FHAD1: variants seen among roughly 807,000 people sequenced by gnomAD.
The protein encoded by FHAD1 is forkhead-associated domain-containing protein 1.
In FHAD1, 146 loss-of-function variants were observed where a neutral mutation model predicts 191.3. That is an observed-to-expected ratio of 0.76 (90% confidence interval 0.67 to 0.88). FHAD1 has a LOEUF of 0.88. Among genes scored for constraint, FHAD1 ranks in the 40% least tolerant of loss-of-function variants. FHAD1 has a pLI of 0.00. For missense variants in FHAD1, 1,635 were observed against 1,785.8 expected (o/e 0.92, Z 1.52); for synonymous variants, 616 against 672.3 (o/e 0.92, Z 1.29).
At position 15,397,378 on chromosome 1, in the gene FHAD1, A is replaced by C; in HGVS notation, c.4405A>C (p.Ser1469Arg). The change falls in exon 34 of 34, where the codon AGC becomes CGC. Residue 1469 changes from serine to arginine, a missense_variant. Ser to Arg is a moderately radical substitution (Grantham distance 110, BLOSUM62 -1). Transcript: ENST00000688493. ...RKETSSKSSQ[S>R]LLHSKPSGKY The stretch of plus-strand genomic sequence containing the variant: ...AGAGACCTCCAGCAAGTCCAGCCAG[A>C]GCCTTTTGCATTCTAAGCCCAGTGG... 1 of 1,545,232 alleles carries C rather than the reference A, an allele frequency of 6.5e-7. No homozygotes were observed. The highest frequency in any genetic ancestry group is 8.8e-7 in the Non-Finnish European group (1 of 1,142,610).
chr1:15,324,751 G>A (rs1490977649), intron 11 of FHAD1, 192 bp downstream of exon 11: 31 of 589,574 alleles, frequency 5.3e-5, no homozygotes, highest in Non-Finnish European at 8.2e-5. Flanking sequence ...GGTTTCTGCT[G>A]CTGGGAGGCC....
chr1:15,343,417 C>G (rs556803742), intron 16 of FHAD1, among the ~76,000 whole-genome samples: 2 of 151,818 alleles, frequency 1.3e-5, no homozygotes, highest in South Asian at 4.2e-4. Flanking sequence ...CAGATATCTC[C>G]TCTCTTCCCC....
intron 28 of FHAD1, among the ~76,000 whole-genome samples, chr1:15,379,810 C>T (rs1321422463): frequency 6.6e-6 from 1 of 152,176 alleles, no homozygotes; most frequent in East Asian, 1.9e-4. Flanking sequence ...CCATTTAACC[C>T]TGAGTTTGAC....
At chr1:15,258,914 C>T (rs1258919098) in intron 2 of FHAD1, among the ~76,000 whole-genome samples, 1 of 152,140 alleles carries the variant, frequency 6.6e-6, no homozygotes. Context: ...TCAGTTCTTT[C>T]AGATCCATAC....
intron 2 of FHAD1, among the ~76,000 whole-genome samples, chr1:15,264,208 T>G (rs936853955): frequency 1.3e-5 from 2 of 152,172 alleles, no homozygotes; most frequent in South Asian, 4.1e-4. Context: ...GCATTAAATC[T>G]GTAGGTTGCT....
At chr1:15,362,750 C>T (rs905703209) in intron 23 of FHAD1, 24 bp downstream of exon 23, 15 of 1,536,296 alleles carry the variant, frequency 9.8e-6, no homozygotes, top group Admixed American at 5.9e-5. Flanking sequence ...GGTGTGTGAG[C>T]GCCAGGCATT....
intron 6 of FHAD1, among the ~76,000 whole-genome samples, chr1:15,304,811 G>C (rs1669898900): frequency 6.6e-6 from 1 of 152,028 alleles, no homozygotes; most frequent in Admixed American, 6.6e-5. Context: ...GCACGAAATG[G>C]GCCGTAGAAA....
intron 3 of FHAD1, among the ~76,000 whole-genome samples, chr1:15,281,928 G>A (rs1418020838): frequency 2.0e-5 from 3 of 151,884 alleles, no homozygotes; most frequent in Non-Finnish European, 4.4e-5. Context: ...ATATCAGTAC[G>A]GACTCCTCTG....
At chr1:15,240,081 G>T (rs1645182049) in intron 1 of FHAD1, among the ~76,000 whole-genome samples, 1 of 152,202 alleles carries the variant, frequency 6.6e-6, no homozygotes, top group Non-Finnish European at 1.5e-5. Flanking sequence ...TACAGCAAAG[G>T]TGATGGGATG....
intron 28 of FHAD1, among the ~76,000 whole-genome samples, chr1:15,378,777 C>T (rs980706021): frequency 4.6e-5 from 7 of 151,884 alleles, no homozygotes; most frequent in African/African-American, 1.7e-4. Flanking sequence ...TTTTTTTAAT[C>T]TCCCAGGTTT....
chr1:15,396,077 A>G (rs181737013), intron 33 of FHAD1, among the ~76,000 whole-genome samples: 3 of 152,214 alleles, frequency 2.0e-5, no homozygotes, highest in African/African-American at 7.2e-5. Context: ...TGGGAGGCCA[A>G]GGAGAGCAGA....
chr1:15,389,749 TG>T (rs1703408059), intron 32 of FHAD1, among the ~76,000 whole-genome samples: 1 of 152,110 alleles, frequency 6.6e-6, no homozygotes, highest in Non-Finnish European at 1.5e-5. Context: ...GAATGCCAAA[TG>T]GGGTTGCCAG....
intron 10 of FHAD1, among the ~76,000 whole-genome samples, chr1:15,324,170 A>G (rs1677378261): frequency 6.6e-6 from 1 of 152,204 alleles, no homozygotes. Context: ...CAGTGAAATG[A>G]CTTTGCTGAG....
chr1:15,351,446 A>AG (rs1215669892), intron 19 of FHAD1, among the ~76,000 whole-genome samples: 2 of 152,158 alleles, frequency 1.3e-5, no homozygotes, highest in African/African-American at 4.8e-5. Context: ...AGTTAAGGCA[A>AG]GGGCACTGGT....
intron 20 of FHAD1, among the ~76,000 whole-genome samples, chr1:15,356,610 G>A (rs770582100): frequency 2.6e-5 from 4 of 152,136 alleles, no homozygotes; most frequent in Non-Finnish European, 4.4e-5. Flanking sequence ...AGTGACTCAC[G>A]CCTGTAATCC....
chr1:15,285,271 C>G (rs989965100), intron 3 of FHAD1, among the ~76,000 whole-genome samples: 1 of 152,212 alleles, frequency 6.6e-6, no homozygotes, highest in African/African-American at 2.4e-5. Context: ...GTGGCTCATG[C>G]CTGTAATCCC....
intron 23 of FHAD1, among the ~76,000 whole-genome samples, chr1:15,364,922 G>A (rs1015424338): frequency 1.3e-5 from 2 of 152,212 alleles, no homozygotes; most frequent in African/African-American, 4.8e-5. Context: ...ACCATCCTGA[G>A]TCTCAGGGCA....
intron 24 of FHAD1, 150 bp downstream of exon 24, chr1:15,366,083 C>T (rs945241350): frequency 1.8e-6 from 1 of 563,376 alleles, no homozygotes; most frequent in Non-Finnish European, 3.2e-6. Flanking sequence ...GTCAGGAGTT[C>T]AAGACCAGCC....
intron 31 of FHAD1, among the ~76,000 whole-genome samples, chr1:15,382,783 G>A: frequency 6.6e-6 from 1 of 152,190 alleles, no homozygotes; most frequent in East Asian, 1.9e-4. Flanking sequence ...ATGCAGCGAG[G>A]GCCTGCCAAA....
Sources: gnomAD v4.1 joint callset for allele counts (sites outside exome capture counted in the v4.1 genomes callset) on GRCh38, gnomAD v4.1.1 for gene constraint, MANE v1.5 for transcripts, NCBI Gene and HGNC (gene_info 2026-07-23, HGNC 2026-07-21) for gene names.